The following NDUFAF2 variants were observed in gnomAD, a reference collection of about 807,000 sequenced individuals.
The protein encoded by NDUFAF2 is NADH:ubiquinone oxidoreductase complex assembly factor 2.
In NDUFAF2, 13 loss-of-function variants were observed where a neutral mutation model predicts 22.8. The ratio of observed to expected loss-of-function variants is 0.57; its 90% CI spans 0.37 to 0.91. The LOEUF is 0.91. Among genes scored for constraint, NDUFAF2 ranks in the 40% least tolerant of loss-of-function variants. The probability of loss-of-function intolerance (pLI) is 0.01; values close to 1 mark genes in which losing one functional copy is unlikely to be tolerated. For synonymous variants in NDUFAF2, 53 were observed against 64.2 expected (o/e 0.83, Z 0.84); for missense variants, 162 against 195.2 (o/e 0.83, Z 1.01).
chr5:61,008,175 A>T (rs1421480012), intron 1 of NDUFAF2, among the ~76,000 whole-genome samples: 4 of 122,126 alleles, frequency 3.3e-5, no homozygotes, highest in African/African-American at 9.3e-5. Flanking sequence ...GGGGGGAGGG[A>T]TAGCTTTAGG....
At chr5:61,025,770 T>G (rs1261008214) in intron 1 of NDUFAF2, among the ~76,000 whole-genome samples, 1 of 152,090 alleles carries the variant, frequency 6.6e-6, no homozygotes, top group South Asian at 2.1e-4. Flanking sequence ...TATCAAAGCT[T>G]ATTGCATTGT....
intron 1 of NDUFAF2, among the ~76,000 whole-genome samples, chr5:61,034,116 C>T (rs994305200): frequency 1.3e-5 from 2 of 151,908 alleles, no homozygotes; most frequent in African/African-American, 2.4e-5. Flanking sequence ...AGAAGAGGAG[C>T]CTTCAGAAAG....
chr5:61,102,579 C>G (rs1274706640), intron 3 of NDUFAF2, among the ~76,000 whole-genome samples: 2 of 151,824 alleles, frequency 1.3e-5, no homozygotes, highest in Admixed American at 6.6e-5. Context: ...AAGAAAAAAA[C>G]AATGGAATAT....
At chr5:61,035,973 A>G (rs1368007380) in intron 1 of NDUFAF2, among the ~76,000 whole-genome samples, 3 of 152,202 alleles carry the variant, frequency 2.0e-5, no homozygotes, top group African/African-American at 7.2e-5. Context: ...TAATAAATAA[A>G]CCACAAAACT....
intron 1 of NDUFAF2, among the ~76,000 whole-genome samples, chr5:61,040,303 A>ACGCGC (rs1561548691): frequency 2.9e-5 from 4 of 137,388 alleles, no homozygotes; most frequent in Admixed American, 7.5e-5. Flanking sequence ...CGCGCGCGCG[A>ACGCGC]AAGTTGAAAG....
At chr5:61,088,219 G>T (rs1452276125) in intron 2 of NDUFAF2, among the ~76,000 whole-genome samples, 1 of 152,060 alleles carries the variant, frequency 6.6e-6, no homozygotes, top group Non-Finnish European at 1.5e-5. Context: ...CTTACAGCCA[G>T]CCAGGGGGAA....
chr5:61,074,603 T>G (rs1305769286), intron 2 of NDUFAF2, among the ~76,000 whole-genome samples: 1 of 141,074 alleles, frequency 7.1e-6, no homozygotes, highest in African/African-American at 2.7e-5. Context: ...AACAAAAAAT[T>G]CAAAAAATTA....
chr5:60,985,955 C>T (rs1450348153), intron 1 of NDUFAF2, among the ~76,000 whole-genome samples: 1 of 152,180 alleles, frequency 6.6e-6, no homozygotes, highest in African/African-American at 2.4e-5. Flanking sequence ...GGAGATATCT[C>T]ATTCCAGCTA....
At chr5:61,082,517 A>G (rs1561560133) in intron 2 of NDUFAF2, among the ~76,000 whole-genome samples, 1 of 152,136 alleles carries the variant, frequency 6.6e-6, no homozygotes, top group African/African-American at 2.4e-5. Context: ...TGAACCTGTC[A>G]CCCAAATAGT....
intron 3 of NDUFAF2, chr5:61,114,713 T>G (rs1457410818): frequency 6.6e-6 from 1 of 152,198 alleles, no homozygotes; most frequent in Non-Finnish European, 1.5e-5. Context: ...ACTTGAATGT[T>G]GTAATCTAAG....
At chr5:60,947,731 A>C (rs1280762081) in intron 1 of NDUFAF2, among the ~76,000 whole-genome samples, 1 of 147,362 alleles carries the variant, frequency 6.8e-6, no homozygotes, top group East Asian at 2.0e-4. Context: ...ACACCACTGC[A>C]CTCCAGCCTG....
At chr5:61,152,396 A>G (rs1490208244) in intron 3 of NDUFAF2, among the ~76,000 whole-genome samples, 1 of 152,074 alleles carries the variant, frequency 6.6e-6, no homozygotes, top group Non-Finnish European at 1.5e-5. Flanking sequence ...AATCTTTCAT[A>G]GAGTGTCTCA....
At chr5:60,979,576 A>G (rs1009534826) in intron 1 of NDUFAF2, among the ~76,000 whole-genome samples, 14 of 152,074 alleles carry the variant, frequency 9.2e-5, no homozygotes, top group African/African-American at 3.4e-4. Flanking sequence ...AGACTTCTCT[A>G]CTTGAGGAAA....
In NDUFAF2 at chr5:61,064,526, T is replaced by C. The variant is rs183798232; in HGVS notation, c.128-8599T>C. ...CACAAAAGAAGATTGACCATATATC[T>C]AGTATTGTTTCAAACTACAGTGATA... On this transcript the variant is annotated intron_variant, in intron 1 of 3. Coordinates refer to ENST00000296597, the MANE Select transcript of NDUFAF2 (RefSeq NM_174889.5). Among the ~76,000 whole-genome samples, 11 of 152,186 alleles carry C rather than the reference T, an allele frequency of 7.2e-5. No individual in the cohort carries two copies. The East Asian group carries it at 1.7e-3, about 24-fold the overall frequency.
At position 61,152,888 on chromosome 5, in the gene NDUFAF2, G is replaced by A. The variant is rs936287273; in HGVS notation, c.443G>A (p.Ser148Asn). 1.1e-5 allele frequency: 18 copies of A among 1,612,612 alleles called. No homozygotes were observed. The highest frequency in any genetic ancestry group is 1.4e-5 in the Non-Finnish European group (17 of 1,179,216). Residue 148 changes from serine to asparagine, a missense_variant, in exon 4 of 4, where the codon AGC becomes AAC. Physicochemically the swap from Ser to Asn is conservative, Grantham distance 46. Coordinates refer to ENST00000296597, the MANE Select transcript of NDUFAF2 (RefSeq NM_174889.5). ...FGKEEPSVAP[S>N]STGKTFQPGS... ...AAGGAAGAACCCTCAGTGGCTCCCAGCAGCACTGGTAAAACCTTTCAGCCA... is the reference window on the plus strand; with the variant it reads ...AAGGAAGAACCCTCAGTGGCTCCCAACAGCACTGGTAAAACCTTTCAGCCA...
At position 60,994,496 on chromosome 5, in the gene NDUFAF2, A is replaced by G. The variant is rs1206672136; in HGVS notation, c.127+49114A>G. The stretch of plus-strand genomic sequence containing the variant: ...CTTCTGCAGGGTCTGTGGAGTGTGT[A>G]GCCCTGGCCGTGCTTCCCTGCTGTG... On this transcript the variant is annotated intron_variant, in intron 1 of 3. Coordinates refer to ENST00000296597, the MANE Select transcript of NDUFAF2 (RefSeq NM_174889.5). Among the ~76,000 whole-genome samples, 5 of 152,206 alleles carry G rather than the reference A, an allele frequency of 3.3e-5. No individual in the cohort carries two copies. The East Asian group carries it at 9.6e-4, about 29-fold the overall frequency.
intron 1 of NDUFAF2, among the ~76,000 whole-genome samples, chr5:61,060,657 A>C (rs1340482810): frequency 2.6e-5 from 4 of 152,082 alleles, no homozygotes; most frequent in Non-Finnish European, 5.9e-5. Context: ...TCTCAGAAGT[A>C]TGTCACCTCA....
chr5:61,130,479 C>CCAGAGATCTTATATAACTTGCCTGACT (rs1753095407), intron 3 of NDUFAF2, among the ~76,000 whole-genome samples: 1 of 152,088 alleles, frequency 6.6e-6, no homozygotes. Context: ...AAGAATTTCC[C>CCAGAGATCTTATATAACTTGCCTGACT]CAGAGATCTT....
intron 1 of NDUFAF2, among the ~76,000 whole-genome samples, chr5:61,037,889 G>T (rs896880369): frequency 6.6e-6 from 1 of 151,856 alleles, no homozygotes; most frequent in Non-Finnish European, 1.5e-5. Flanking sequence ...GATCATTTAA[G>T]AACAATTGTT....
Sources: gnomAD v4.1 joint callset for allele counts (sites outside exome capture counted in the v4.1 genomes callset) on GRCh38, gnomAD v4.1.1 for gene constraint, MANE v1.5 for transcripts, NCBI Gene and HGNC (gene_info 2026-07-23, HGNC 2026-07-21) for gene names.